The following CATSPERT variants were observed in gnomAD, a reference collection of about 807,000 sequenced individuals.
CATSPERT encodes catsper channel auxiliary subunit tau.
chr2:201,574,941 G>T, the CATSPERT span, among the ~76,000 whole-genome samples: 2 of 151,518 alleles, frequency 1.3e-5, no homozygotes, highest in Admixed American at 1.3e-4. Flanking sequence ...AATTTAGCAA[G>T]TGAGGCTCCT....
the CATSPERT span, chr2:201,555,255 C>T: frequency 6.6e-6 from 1 of 152,240 alleles, no homozygotes; most frequent in African/African-American, 2.4e-5. Context: ...TGGCTCACGC[C>T]TGTAATCCCA....
the CATSPERT span, among the ~76,000 whole-genome samples, chr2:201,545,307 G>C: frequency 1.3e-5 from 2 of 152,010 alleles, no homozygotes; most frequent in African/African-American, 4.8e-5. Context: ...AAAATGCTGG[G>C]ATTACAGGCA....
chr2:201,579,675 C>T, the CATSPERT span, among the ~76,000 whole-genome samples: 3 of 150,814 alleles, frequency 2.0e-5, no homozygotes, highest in Admixed American at 1.3e-4. Flanking sequence ...ATCTTTGGTG[C>T]GTTTTGGTTT....
the CATSPERT span, among the ~76,000 whole-genome samples, chr2:201,544,472 C>T: frequency 6.6e-6 from 1 of 152,182 alleles, no homozygotes; most frequent in Admixed American, 6.5e-5. Flanking sequence ...CTTACTGATA[C>T]TTTATGATAA....
the CATSPERT span, among the ~76,000 whole-genome samples, chr2:201,588,598 CT>C: frequency 1.1e-3 from 155 of 141,536 alleles, no homozygotes; most frequent in Admixed American, 1.3e-3. Context: ...GTTCCCTACT[CT>C]TTTTTTTTTT....
chr2:201,526,583 T>C, the CATSPERT span, among the ~76,000 whole-genome samples: 1 of 152,186 alleles, frequency 6.6e-6, no homozygotes, highest in Non-Finnish European at 1.5e-5. Context: ...CATGATCAAG[T>C]AGGCTTTATT....
the CATSPERT span, chr2:201,495,982 G>A: frequency 1.3e-6 from 2 of 1,517,926 alleles, no homozygotes; most frequent in Non-Finnish European, 1.8e-6. Flanking sequence ...TATAAAAAAA[G>A]AAGTTCTAAT....
chr2:201,582,235 T>C, the CATSPERT span: 1 of 1,576,388 alleles, frequency 6.3e-7, no homozygotes, highest in Non-Finnish European at 8.6e-7. Context: ...TCAAAATATA[T>C]AAGAAAAGAA....
the CATSPERT span, among the ~76,000 whole-genome samples, chr2:201,563,263 G>A: frequency 0.36 from 46,394 of 127,494 alleles, 6,626 homozygotes; most frequent in East Asian, 0.63. Context: ...CAGTAGGGGC[G>A]GCCGGGCAGA....
the CATSPERT span, chr2:201,494,869 C>T: frequency 2.0e-6 from 2 of 978,568 alleles, no homozygotes; most frequent in Non-Finnish European, 2.7e-6. Flanking sequence ...TATTCAGTCT[C>T]CTACCCTCCA....
chr2:201,573,863 G>C, the CATSPERT span, among the ~76,000 whole-genome samples: 1 of 152,056 alleles, frequency 6.6e-6, no homozygotes, highest in Non-Finnish European at 1.5e-5. Context: ...CACCATGTTG[G>C]CCAGGCTGGT....
the CATSPERT span, among the ~76,000 whole-genome samples, chr2:201,588,039 G>A: frequency 6.6e-6 from 1 of 152,048 alleles, no homozygotes; most frequent in Non-Finnish European, 1.5e-5. Context: ...AAGACCAGAT[G>A]AATTCATAGC....
chr2:201,487,772 C>T, the CATSPERT span: 6 of 1,614,026 alleles, frequency 3.7e-6, no homozygotes, highest in East Asian at 4.5e-5. Flanking sequence ...AGTATATGGT[C>T]TTGCAGAGTG....
At chr2:201,537,300 G>T in the CATSPERT span, 1 of 635,130 alleles carries the variant, frequency 1.6e-6, no homozygotes, top group Non-Finnish European at 2.6e-6. Context: ...TACAGATATT[G>T]CCATAATAGA....
At chr2:201,537,496 T>C in the CATSPERT span, 3 of 1,555,996 alleles carry the variant, frequency 1.9e-6, no homozygotes, top group Non-Finnish European at 2.6e-6. Context: ...AAACAATTAA[T>C]AGGGGTATTT....
chr2:201,487,864 G>A, the CATSPERT span: 3 of 1,612,184 alleles, frequency 1.9e-6, no homozygotes, highest in South Asian at 1.1e-5. Flanking sequence ...GTGTAAATGA[G>A]GTCATGTCAT....
chr2:201,543,465 A>G, the CATSPERT span, among the ~76,000 whole-genome samples: 2 of 152,158 alleles, frequency 1.3e-5, no homozygotes, highest in African/African-American at 4.8e-5. Context: ...CAGAGTATTA[A>G]ATCTTCAAAC....
chr2:201,493,169 C>T, the CATSPERT span: 1 of 1,528,578 alleles, frequency 6.5e-7, no homozygotes, highest in East Asian at 2.5e-5. Flanking sequence ...CTAAGTTTAT[C>T]CATTAATGAG....
the CATSPERT span, among the ~76,000 whole-genome samples, chr2:201,610,042 T>C: frequency 6.6e-6 from 1 of 151,912 alleles, no homozygotes; most frequent in Non-Finnish European, 1.5e-5. Flanking sequence ...CACTAACAAA[T>C]TGGAAAACTC....
Sources: allele counts gnomAD v4.1 joint callset (sites outside exome capture counted in the v4.1 genomes callset), GRCh38; gene constraint gnomAD v4.1.1; transcripts MANE v1.5; gene names NCBI Gene and HGNC (gene_info 2026-07-23, HGNC 2026-07-21).